Variants in CLYBL observed in about 807,000 individuals in gnomAD.
The protein encoded by CLYBL is citramalyl-CoA lyase.
Under a neutral mutation model 38.9 loss-of-function variants are expected in CLYBL, and 31 were observed. That is an observed-to-expected ratio of 0.80 (90% confidence interval 0.60 to 1.08). The LOEUF is 1.08. CLYBL is among the 50% of genes least tolerant of loss of function. The pLI is 0.00. For missense variants in CLYBL, 434 were observed against 411.6 expected, an observed-to-expected ratio of 1.05 and a Z score of -0.47; for synonymous variants, 171 against 158.6, an observed-to-expected ratio of 1.08 and a Z score of -0.59.
intron 1 of CLYBL, among the ~76,000 whole-genome samples, chr13:99,675,729 A>G (rs996061127): frequency 6.6e-6 from 1 of 152,260 alleles, no homozygotes; most frequent in Non-Finnish European, 1.5e-5. Flanking sequence ...GGGCCAAATA[A>G]TATTCCACTG....
chr13:99,749,868 A>G (rs118109544), intron 1 of CLYBL, among the ~76,000 whole-genome samples: 57 of 152,334 alleles, frequency 3.7e-4, no homozygotes, highest in Non-Finnish European at 7.4e-4. Flanking sequence ...TAGTTCTTCA[A>G]AATAGGGAAG....
At chr13:99,831,721 CT>C (rs75837569) in intron 2 of CLYBL, among the ~76,000 whole-genome samples, 394 of 138,818 alleles carry the variant, frequency 2.8e-3, no homozygotes, top group East Asian at 7.4e-3. Context: ...CATTTTCTTT[CT>C]TTTTTTTTTT....
intron 1 of CLYBL, among the ~76,000 whole-genome samples, chr13:99,687,268 C>T (rs1342276232): frequency 1.3e-5 from 2 of 152,144 alleles, no homozygotes; most frequent in Non-Finnish European, 2.9e-5. Context: ...AGGTATGAAG[C>T]GGGAAACCTT....
chr13:99,615,968 G>T (rs566809858), intron 1 of CLYBL, among the ~76,000 whole-genome samples: 2 of 152,130 alleles, frequency 1.3e-5, no homozygotes, highest in Admixed American at 6.5e-5. Context: ...TGAGTAGCTG[G>T]AATTACAGGT....
intron 2 of CLYBL, among the ~76,000 whole-genome samples, chr13:99,856,308 A>G (rs1182874878): frequency 6.6e-6 from 1 of 152,212 alleles, no homozygotes; most frequent in Non-Finnish European, 1.5e-5. Flanking sequence ...TAGGAAGTTG[A>G]TGTTGCCAGG....
chr13:99,673,032 A>G (rs993968710), intron 1 of CLYBL, among the ~76,000 whole-genome samples: 15 of 152,132 alleles, frequency 9.9e-5, no homozygotes, highest in Admixed American at 9.2e-4. Context: ...TAGAGCTTAC[A>G]ATTCAGCAGG....
At chr13:99,816,414 G>A (rs1414563648) in intron 2 of CLYBL, among the ~76,000 whole-genome samples, 1 of 152,238 alleles carries the variant, frequency 6.6e-6, no homozygotes, top group Non-Finnish European at 1.5e-5. Context: ...CTGGTCAGGA[G>A]CACAGTGAAA....
intron 1 of CLYBL, among the ~76,000 whole-genome samples, chr13:99,617,156 C>T (rs1408939102): frequency 6.6e-6 from 1 of 152,000 alleles, no homozygotes; most frequent in Non-Finnish European, 1.5e-5. Context: ...TTCAGAACCC[C>T]AAATATTGAA....
rs1566608287 is a variant in CLYBL, at chr13:99,681,102, CTT to C, written c.62+74346_62+74347del. Among the ~76,000 whole-genome samples the C allele has an allele frequency of 1.6e-4, 24 of 152,172 alleles. No homozygotes were observed. The East Asian group carries it at 2.9e-3, about 18-fold the overall frequency. On this transcript the variant is annotated intron_variant, in intron 1 of 8. Transcript: ENST00000339105. ...TCCTAAGAAGGAAGTAGTGCTGTAACTTACTTCATCTAAAGAAGCATCATCGC... is the reference window on the plus strand; with the variant it reads ...TCCTAAGAAGGAAGTAGTGCTGTAACACTTCATCTAAAGAAGCATCATCGC...
chr13:99,671,793 A>AT (rs1555350678), intron 1 of CLYBL, among the ~76,000 whole-genome samples: 1,957 of 129,102 alleles, frequency 0.015, 34 homozygotes, highest in African/African-American at 0.043. Flanking sequence ...AAAAAAAAAA[A>AT]AATAATAAAA....
chr13:99,750,673 C>CAA (rs374904118), intron 1 of CLYBL, among the ~76,000 whole-genome samples: 5,327 of 86,046 alleles, frequency 0.062, 148 homozygotes, highest in Middle Eastern at 0.11. Flanking sequence ...GACTCTGCCT[C>CAA]AAAAAAAAAA....
chr13:99,842,066 C>T (rs1456935976), intron 2 of CLYBL, among the ~76,000 whole-genome samples: 2 of 152,136 alleles, frequency 1.3e-5, no homozygotes, highest in African/African-American at 4.8e-5. Flanking sequence ...GATCTGCCCA[C>T]CTTGGCCTCC....
chr13:99,883,173 C>G (rs1301553320), intron 7 of CLYBL, among the ~76,000 whole-genome samples: 1 of 152,156 alleles, frequency 6.6e-6, no homozygotes, highest in East Asian at 1.9e-4. Context: ...CCAGCTTCGT[C>G]TAATAGAGAC....
At position 99,869,670 on chromosome 13, in the gene CLYBL, A is replaced by G. The variant is rs555660852; in HGVS notation, c.803-1268A>G. Among the ~76,000 whole-genome samples, 1 of 152,282 alleles carries G rather than the reference A, an allele frequency of 6.6e-6. No homozygotes were observed. The highest frequency in any genetic ancestry group is 1.9e-4 in the East Asian group (1 of 5,196). On this transcript the variant is annotated intron_variant, in intron 6 of 8. Transcript: ENST00000339105. This position sits in a 1 kb window ranked among gnomAD's most constrained non-coding sequence, Gnocchi z 4.3. The stretch of plus-strand genomic sequence containing the variant: ...AACTCTTTTACATGAAACACTAAAA[A>G]TATGTTTTTACAAGCATCATTCCTT...
intron 7 of CLYBL, among the ~76,000 whole-genome samples, chr13:99,873,055 GACTA>G (rs760186617): frequency 2.6e-5 from 4 of 152,060 alleles, no homozygotes; most frequent in Non-Finnish European, 4.4e-5. Context: ...GCAGAGGGGA[GACTA>G]ACTATTAGGT....
At chr13:99,901,650 T>TG (rs1223962254), downstream of CLYBL, among the ~76,000 whole-genome samples, 8 of 124,872 alleles carry the variant, frequency 6.4e-5, no homozygotes, top group South Asian at 5.6e-4. Context: ...TTTTTGTTTT[T>TG]TTTTTTTGTT....
intron 2 of CLYBL, among the ~76,000 whole-genome samples, chr13:99,851,890 T>C (rs1000494651): frequency 1.3e-5 from 2 of 152,188 alleles, no homozygotes; most frequent in Non-Finnish European, 1.5e-5. Context: ...AAAACCTGTA[T>C]TGAATGTCCA....
chr13:99,791,599 C>T (rs1417857428), intron 2 of CLYBL, among the ~76,000 whole-genome samples: 2 of 152,162 alleles, frequency 1.3e-5, no homozygotes, highest in Admixed American at 6.5e-5. Flanking sequence ...ACCTCCATTT[C>T]CTCTTCTGTA....
At chr13:99,633,534 C>CA (rs71215536) in intron 1 of CLYBL, among the ~76,000 whole-genome samples, 37,524 of 121,492 alleles carry the variant, frequency 0.31, 6,233 homozygotes, top group East Asian at 0.55. Context: ...GACTCTGTCT[C>CA]AAAAAAAAAA....
Sources: gnomAD v4.1 joint callset for allele counts (sites outside exome capture counted in the v4.1 genomes callset) on GRCh38, gnomAD v4.1.1 for gene constraint, Gnocchi (gnomAD v3.1) non-coding constraint, MANE v1.5 for transcripts, NCBI Gene and HGNC (gene_info 2026-07-23, HGNC 2026-07-21) for gene names.